Variants in RASGRP1 observed in about 807,000 individuals in gnomAD.
The protein encoded by RASGRP1 is RAS guanyl releasing protein 1.
Under a neutral mutation model 95.1 loss-of-function variants are expected in RASGRP1, and 37 were observed. That is an observed-to-expected ratio of 0.39 (90% CI 0.30 to 0.51). RASGRP1 has a LOEUF of 0.51. Ranked by LOEUF, RASGRP1 falls within the 20% of genes least tolerant of loss-of-function variation. The pLI is 0.80. For missense variants in RASGRP1, 711 were observed against 965.4 expected (o/e 0.74, Z 3.49); for synonymous variants, 325 against 353.4 (o/e 0.92, Z 0.90).
Position 38,512,778 on chromosome 15 carries a change from T to C in RASGRP1, c.849+5A>G, listed in dbSNP as rs1384984742. On this transcript the variant is annotated splice_donor_5th_base_variant and intron_variant, in intron 7 of 16. Coordinates refer to ENST00000310803, the MANE Select transcript of RASGRP1 (RefSeq NM_005739.4). Reference sequence around the variant, plus strand: ...CAAGCCAAATGTCTTAAACCAGTTATTCACCTGAGCCACCTGGATGAACTT... The same window carrying C: ...CAAGCCAAATGTCTTAAACCAGTTACTCACCTGAGCCACCTGGATGAACTT... The C allele has an allele frequency of 6.2e-7, 1 of 1,613,582 alleles. No individual in the cohort carries two copies. Among genetic ancestry groups the C allele is most frequent in the East Asian group, 2.2e-5 (1 of 44,828 alleles).
chr15:38,520,676 CTATT>C (rs540010425), intron 3 of RASGRP1, among the ~76,000 whole-genome samples: 6 of 148,662 alleles, frequency 4.0e-5, no homozygotes, highest in Admixed American at 1.4e-4. Flanking sequence ...TTATAAAAAA[CTATT>C]TAGAATTCAG....
At chr15:38,494,211 C>A in intron 16 of RASGRP1, 171 bp downstream of exon 16, 2 of 866,746 alleles carry the variant, frequency 2.3e-6, no homozygotes, top group Non-Finnish European at 3.6e-6. Context: ...TTTCTTCCTT[C>A]CCTCCCTCTC....
intron 11 of RASGRP1, 55 bp downstream of exon 11, chr15:38,503,217 C>T (rs1378823857): frequency 7.0e-7 from 1 of 1,426,194 alleles, no homozygotes; most frequent in Non-Finnish European, 9.8e-7. Context: ...ACCCCACATA[C>T]AAAACTGAGC....
intron 2 of RASGRP1, among the ~76,000 whole-genome samples, chr15:38,526,868 G>A (rs997717288): frequency 6.6e-5 from 10 of 152,170 alleles, no homozygotes; most frequent in East Asian, 5.8e-4. Flanking sequence ...TTCTAGGGCC[G>A]TCCCATGGCC....
At position 38,554,571 on chromosome 15, in the gene RASGRP1, C is replaced by A. The variant is rs1177630046; in HGVS notation, c.220+5250G>T. ...TATGAATGAAGGGGATTTCCCATCTCCTCCTTTCTCAGGCCTGGCAGTCAC... is the reference window on the plus strand; with the variant it reads ...TATGAATGAAGGGGATTTCCCATCTACTCCTTTCTCAGGCCTGGCAGTCAC... On this transcript the variant is annotated intron_variant, in intron 2 of 16. Coordinates refer to ENST00000310803, the MANE Select transcript of RASGRP1 (RefSeq NM_005739.4). 3.3e-5 allele frequency among the ~76,000 whole-genome samples: 5 copies of A among 152,210 alleles called. No individual in the cohort carries two copies. In the East Asian group the frequency reaches 9.6e-4, roughly 29 times the overall value.
chr15:38,514,080 AC>A (rs1156962482), intron 6 of RASGRP1, among the ~76,000 whole-genome samples: 1 of 152,018 alleles, frequency 6.6e-6, no homozygotes, highest in Non-Finnish European at 1.5e-5. Context: ...TGAAAAATAA[AC>A]TTTTGCTTAA....
At chr15:38,506,247 A>G (rs1891247899) in intron 9 of RASGRP1, among the ~76,000 whole-genome samples, 1 of 152,218 alleles carries the variant, frequency 6.6e-6, no homozygotes, top group African/African-American at 2.4e-5. Context: ...CAGACAGATG[A>G]TCTGAAAGGA....
chr15:38,529,724 A>G (rs983029529), intron 2 of RASGRP1, among the ~76,000 whole-genome samples: 1 of 152,216 alleles, frequency 6.6e-6, no homozygotes, highest in Admixed American at 6.5e-5. Flanking sequence ...CACATGATTC[A>G]TTCAACATTT....
intron 9 of RASGRP1, among the ~76,000 whole-genome samples, chr15:38,506,415 G>C (rs1043858616): frequency 1.3e-5 from 2 of 152,130 alleles, no homozygotes; most frequent in Non-Finnish European, 2.9e-5. Flanking sequence ...CAGGTTGATT[G>C]CTTGAGCTCA....
At chr15:38,521,685 A>G (rs1459198514) in intron 3 of RASGRP1, among the ~76,000 whole-genome samples, 2 of 152,172 alleles carry the variant, frequency 1.3e-5, no homozygotes, top group Non-Finnish European at 2.9e-5. Context: ...CTCAGACCCC[A>G]TACCTTTTTC....
chr15:38,529,172 C>T (rs775010102), intron 2 of RASGRP1, among the ~76,000 whole-genome samples: 1 of 152,194 alleles, frequency 6.6e-6, no homozygotes, highest in African/African-American at 2.4e-5. Flanking sequence ...CTTGCTTCCA[C>T]TCTTGTCCAC....
intron 6 of RASGRP1, among the ~76,000 whole-genome samples, chr15:38,515,376 G>A (rs56041020): frequency 0.19 from 28,233 of 152,158 alleles, 3,042 homozygotes; most frequent in Non-Finnish European, 0.25. Flanking sequence ...AGGGGTAGGG[G>A]CTAAGTGGAA....
At chr15:38,518,262 CG>C in intron 5 of RASGRP1, 29 bp downstream of exon 5, 1 of 1,601,492 alleles carries the variant, frequency 6.2e-7, no homozygotes, top group Non-Finnish European at 8.5e-7. Context: ...GAGGTGGTTT[CG>C]AAAGATGAGT....
rs1444660475 is a variant in RASGRP1 at position 38,490,202 on chromosome 15, T to A, written c.*352A>T. ...CAGAAAACACAGGGTAAGAAGCAAATCCATTTTCCAGAGATTTTAGTTTTA... is the reference window on the plus strand; with the variant it reads ...CAGAAAACACAGGGTAAGAAGCAAAACCATTTTCCAGAGATTTTAGTTTTA... On this transcript the variant is annotated 3_prime_UTR_variant, in exon 17 of 17. Coordinates refer to ENST00000310803, the MANE Select transcript of RASGRP1 (RefSeq NM_005739.4). 5.9e-6 allele frequency: 1 copy of A among 170,192 alleles called. No individual in the cohort carries two copies. The highest frequency in any genetic ancestry group is 6.4e-5 in the Admixed American group (1 of 15,708). 10.5% of individuals were successfully genotyped at this position (170,192 alleles called of 1,614,324 possible). A position where few individuals can be genotyped will look rare whatever the true frequency, so the allele number is the denominator to read the frequency against.
chr15:38,512,981 C>CA lies in RASGRP1; in HGVS notation c.676-26dup, dbSNP rs756320616. ...ACTGCAGGAAAAGAAACAACAACAACAAAAAAAACCTATCAGTACTGTACT... is the reference window on the plus strand; with the variant it reads ...ACTGCAGGAAAAGAAACAACAACAACAAAAAAAAACCTATCAGTACTGTACT... On this transcript the variant is annotated intron_variant, in intron 6 of 16. Coordinates refer to ENST00000310803, the MANE Select transcript of RASGRP1 (RefSeq NM_005739.4). The CA allele has an allele frequency of 1.3e-4, 190 of 1,474,604 alleles. 1 individual carries two copies. In the South Asian group the frequency reaches 1.3e-3, roughly 10 times the overall value. 91.3% of individuals were successfully genotyped at this position (1,474,604 alleles called of 1,614,324 possible).
chr15:38,557,905 T>G (rs1893634273), intron 2 of RASGRP1, among the ~76,000 whole-genome samples: 1 of 152,180 alleles, frequency 6.6e-6, no homozygotes, highest in Non-Finnish European at 1.5e-5. Flanking sequence ...TTAAGGGGAT[T>G]GAATTAGGCT....
chr15:38,543,320 T>G (rs969792383), intron 2 of RASGRP1, among the ~76,000 whole-genome samples: 1 of 152,196 alleles, frequency 6.6e-6, no homozygotes, highest in Non-Finnish European at 1.5e-5. Context: ...CCTGCCCTGG[T>G]GCCTTTGCTG....
chr15:38,526,744 G>A (rs1191748429), intron 2 of RASGRP1, among the ~76,000 whole-genome samples: 1 of 152,072 alleles, frequency 6.6e-6, no homozygotes, highest in African/African-American at 2.4e-5. Flanking sequence ...TTGGGGGGTG[G>A]GCAGGGAGAG....
In RASGRP1 at chr15:38,503,692, T is replaced by C. The variant is rs979051794; in HGVS notation, c.1324-316A>G. The stretch of plus-strand genomic sequence containing the variant: ...TCAGAGCTATCAACAAAGAGTAAAG[T>C]GGATCATTTATGATTCCTCTCTATT... On this transcript the variant is annotated intron_variant, in intron 10 of 16. Coordinates refer to ENST00000310803, the MANE Select transcript of RASGRP1 (RefSeq NM_005739.4). The C allele has an allele frequency of 3.1e-5, 10 of 318,570 alleles. No individual in the cohort carries two copies. The East Asian group carries it at 7.7e-4, about 25-fold the overall frequency. The allele number at this position is 318,570 out of a possible 1,614,324, so 19.7% of individuals were successfully genotyped here. A position where few individuals can be genotyped will look rare whatever the true frequency, so the allele number is the denominator to read the frequency against.
Sources: allele counts gnomAD v4.1 joint callset (sites outside exome capture counted in the v4.1 genomes callset), GRCh38; gene constraint gnomAD v4.1.1; transcripts MANE v1.5; gene names NCBI Gene and HGNC (gene_info 2026-07-23, HGNC 2026-07-21).